SANBR: variants seen among roughly 807,000 people sequenced by gnomAD.
SANBR encodes SANT and BTB domain regulator of class switch recombination.
SANBR carries 77 observed loss-of-function variants against 101.8 expected under a neutral mutation model. The observed-to-expected ratio is 0.76, with a 90% CI of 0.63 to 0.91. The LOEUF is 0.91. Among genes scored for constraint, SANBR ranks in the 40% least tolerant of loss-of-function variants. The pLI, the probability that SANBR is intolerant of heterozygous loss-of-function variation, is 0.00. For synonymous variants in SANBR, 279 were observed against 274.7 expected, an observed-to-expected ratio of 1.02 and a Z score of -0.15; for missense variants, 875 against 853.0, an observed-to-expected ratio of 1.03 and a Z score of -0.32.
intron 10 of SANBR, among the ~76,000 whole-genome samples, chr2:61,091,769 C>T (rs751165269): frequency 6.6e-6 from 1 of 151,896 alleles, no homozygotes; most frequent in East Asian, 1.9e-4. Context: ...GTCTCAAAAA[C>T]GAAACAAAAA....
chr2:61,122,032 C>A, intron 21 of SANBR, 94 bp from the exon 22 acceptor site: 4 of 1,480,226 alleles, frequency 2.7e-6, no homozygotes, highest in Non-Finnish European at 2.7e-6. Flanking sequence ...TTTATTAAAC[C>A]TTGATGTTGC....
chr2:61,119,158 C>A (rs1684220976), intron 20 of SANBR, among the ~76,000 whole-genome samples: 1 of 152,104 alleles, frequency 6.6e-6, no homozygotes, highest in African/African-American at 2.4e-5. Flanking sequence ...CAAGAAACAC[C>A]TATATTCTTG....
Position 61,097,422 on chromosome 2 carries a change from C to CT in SANBR, c.1213-269dup, listed in dbSNP as rs887303789. Among the ~76,000 whole-genome samples the CT allele has an allele frequency of 2.1e-4, 31 of 151,010 alleles. No individual in the cohort carries two copies. In the East Asian group the frequency reaches 2.9e-3, roughly 14 times the overall value. On this transcript the variant is annotated intron_variant, in intron 11 of 21. Transcript: ENST00000402291. ...TTACTCTTTTTAAGTCTGCAATTCA[C>CT]TTTTTTTTTGGTAAATTTAGAGTTG...
downstream of SANBR, among the ~76,000 whole-genome samples, chr2:61,126,398 C>T (rs185253614): frequency 6.6e-6 from 1 of 152,306 alleles, no homozygotes; most frequent in African/African-American, 2.4e-5. Context: ...GCTTCCATTT[C>T]AACTTCTGTA....
chr2:61,091,509 G>A (rs762514231), intron 10 of SANBR, among the ~76,000 whole-genome samples: 2 of 151,444 alleles, frequency 1.3e-5, no homozygotes, highest in Non-Finnish European at 2.9e-5. Context: ...CAGGAGAATC[G>A]CTTGAACCCA....
At chr2:61,072,707 G>A (rs1194054135) in intron 4 of SANBR, among the ~76,000 whole-genome samples, 1 of 148,396 alleles carries the variant, frequency 6.7e-6, no homozygotes, top group Non-Finnish European at 1.5e-5. Flanking sequence ...TTAATTTCAT[G>A]TATTTTTTTT....
At chr2:61,131,152 G>A (rs1376632112) in intron 20 of SANBR, among the ~76,000 whole-genome samples, 1 of 151,980 alleles carries the variant, frequency 6.6e-6, no homozygotes, top group Non-Finnish European at 1.5e-5. Context: ...AACAAGACAA[G>A]CCCATTCTCA....
At chr2:61,108,429 A>G in intron 15 of SANBR, 80 bp downstream of exon 15, 1 of 922,714 alleles carries the variant, frequency 1.1e-6, no homozygotes, top group Non-Finnish European at 1.6e-6. Context: ...TCTTATCAGT[A>G]TCTTATTTTA....
At chr2:61,081,069 TTTAAA>T (rs1283925314) in intron 6 of SANBR, among the ~76,000 whole-genome samples, 1 of 152,196 alleles carries the variant, frequency 6.6e-6, no homozygotes, top group Admixed American at 6.5e-5. Context: ...CATTGAACTC[TTTAAA>T]TTAGCTTTTC....
rs185349933 is a variant in SANBR at position 61,075,772 on chromosome 2, A to G, written c.432-1148A>G. Among the ~76,000 whole-genome samples, 232 of 151,942 alleles carry G rather than the reference A, an allele frequency of 1.5e-3. 1 individual carries two copies. The highest frequency in any genetic ancestry group is 0.014 in the Admixed American group (212 of 15,270). ...CCTAGAAGCAAACTGTTTTGCTGTTAAAAGTAACAAAGCCATGCTAGTTAT... is the reference window on the plus strand; with the variant it reads ...CCTAGAAGCAAACTGTTTTGCTGTTGAAAGTAACAAAGCCATGCTAGTTAT... On this transcript the variant is annotated intron_variant, in intron 5 of 21. Transcript: ENST00000402291.
chr2:61,117,853 T>C (rs1362458433), intron 19 of SANBR, among the ~76,000 whole-genome samples, 175 bp from the exon 20 acceptor site: 1 of 152,242 alleles, frequency 6.6e-6, no homozygotes, highest in Non-Finnish European at 1.5e-5. Context: ...TATCCACAGA[T>C]GAGTCATCTG....
At chr2:61,124,954 CA>C (rs10715460), downstream of SANBR, among the ~76,000 whole-genome samples, 9,313 of 151,692 alleles carry the variant, frequency 0.061, 996 homozygotes, top group African/African-American at 0.21. Context: ...AAAAAGAAAC[CA>C]AAAAAAATGT....
At chr2:61,112,314 T>C (rs780968922) in intron 16 of SANBR, among the ~76,000 whole-genome samples, 17 of 152,238 alleles carry the variant, frequency 1.1e-4, no homozygotes, top group Non-Finnish European at 2.2e-4. Context: ...ATGTTTTTAC[T>C]GACCATTTAT....
intron 11 of SANBR, 152 bp from the exon 12 acceptor site, chr2:61,097,548 G>A (rs567970610): frequency 1.9e-6 from 1 of 515,664 alleles, no homozygotes; most frequent in African/African-American, 1.9e-5. Flanking sequence ...TTCCACCCCT[G>A]GCAACCACTA....
At chr2:61,137,978 TAC>T (rs1459870627) in exon 22 of SANBR, 1 of 152,248 alleles carries the variant, frequency 6.6e-6, no homozygotes, top group Non-Finnish European at 1.5e-5. Context: ...TTATTTTAGC[TAC>T]TCAGTAGTAA....
At chr2:61,111,201 G>C (rs1334370293) in intron 16 of SANBR, among the ~76,000 whole-genome samples, 1 of 152,062 alleles carries the variant, frequency 6.6e-6, no homozygotes, top group Non-Finnish European at 1.5e-5. Context: ...AGACCATCCT[G>C]GCTAACACAG....
intron 10 of SANBR, among the ~76,000 whole-genome samples, chr2:61,090,908 C>T (rs1210567260): frequency 1.3e-5 from 2 of 150,342 alleles, no homozygotes; most frequent in Middle Eastern, 3.2e-3. Context: ...TTTTAAAATT[C>T]CTTTTTTTTT....
chr2:61,104,123 C>T (rs1407657118), intron 13 of SANBR, 125 bp downstream of exon 13: 1 of 786,404 alleles, frequency 1.3e-6, no homozygotes, highest in East Asian at 2.7e-5. Flanking sequence ...GAAAACTTAA[C>T]TGAAATTATA....
chr2:61,073,150 A>G (rs1681572829), intron 4 of SANBR, among the ~76,000 whole-genome samples: 1 of 152,152 alleles, frequency 6.6e-6, no homozygotes, highest in Non-Finnish European at 1.5e-5. Flanking sequence ...TATTGATGTA[A>G]AAATTTGCTT....
Sources: gnomAD v4.1 joint callset for allele counts (sites outside exome capture counted in the v4.1 genomes callset) on GRCh38, gnomAD v4.1.1 for gene constraint, MANE v1.5 for transcripts, NCBI Gene and HGNC (gene_info 2026-07-23, HGNC 2026-07-21) for gene names.